Variants in MALRD1 observed in about 807,000 individuals in gnomAD.
MALRD1 encodes the protein MAM and LDL-receptor class A domain-containing protein 1.
In MALRD1, 247 loss-of-function variants were observed where a neutral mutation model predicts 242.1. That is an observed-to-expected ratio of 1.02 (90% CI 0.92 to 1.13). The LOEUF is 1.13. Among genes scored for constraint, MALRD1 ranks in the 50% most tolerant of loss-of-function variants. MALRD1 has a pLI of 0.00. For synonymous variants in MALRD1, 995 were observed against 866.6 expected (o/e 1.15, Z -2.60); for missense variants, 2,989 against 2,533.1 (o/e 1.18, Z -3.86).
chr10:19,187,234 C>T (rs74118835), intron 14 of MALRD1, among the ~76,000 whole-genome samples: 1,595 of 151,820 alleles, frequency 0.011, 25 homozygotes, highest in African/African-American at 0.035. Flanking sequence ...TAGCTGGGGA[C>T]AGACTGACCC....
At chr10:19,328,105 G>A (rs1843212534) in intron 23 of MALRD1, among the ~76,000 whole-genome samples, 1 of 151,968 alleles carries the variant, frequency 6.6e-6, no homozygotes, top group African/African-American at 2.4e-5. Flanking sequence ...AATATTTTTG[G>A]GGGGCACAGT....
chr10:19,098,538 T>A (rs562736863), intron 4 of MALRD1, among the ~76,000 whole-genome samples: 1 of 152,316 alleles, frequency 6.6e-6, no homozygotes, highest in Admixed American at 6.5e-5. Context: ...TATGATAACA[T>A]ATGATGAGGA....
intron 2 of MALRD1, among the ~76,000 whole-genome samples, chr10:19,085,184 G>A (rs1012665592): frequency 2.0e-5 from 3 of 151,924 alleles, no homozygotes; most frequent in African/African-American, 7.2e-5. Flanking sequence ...GTAAAGGGGA[G>A]TGTTAAATGA....
At chr10:19,069,268 A>G (rs781444903) in intron 2 of MALRD1, among the ~76,000 whole-genome samples, 35 of 152,020 alleles carry the variant, frequency 2.3e-4, no homozygotes, top group Non-Finnish European at 3.8e-4. Flanking sequence ...TGTTATTCTG[A>G]TCAATTGTTA....
At chr10:19,244,489 G>C (rs1321442658) in intron 18 of MALRD1, among the ~76,000 whole-genome samples, 1 of 152,028 alleles carries the variant, frequency 6.6e-6, no homozygotes, top group Non-Finnish European at 1.5e-5. Flanking sequence ...AGGATGGCTT[G>C]AGTCCGAGAG....
chr10:19,728,353 A>G (rs904708231), intron 38 of MALRD1: 2 of 152,216 alleles, frequency 1.3e-5, no homozygotes, highest in Non-Finnish European at 2.9e-5. Context: ...CTTTCAGAAG[A>G]CAAGTAGCTT....
chr10:19,368,928 A>C (rs1375648268), intron 26 of MALRD1, among the ~76,000 whole-genome samples: 1 of 145,588 alleles, frequency 6.9e-6, no homozygotes, highest in East Asian at 2.0e-4. Context: ...TGTGTATGTA[A>C]TTTAAATATA....
chr10:19,325,943 G>T, intron 22 of MALRD1, among the ~76,000 whole-genome samples: 1 of 151,948 alleles, frequency 6.6e-6, no homozygotes, highest in East Asian at 1.9e-4. Context: ...TTTTATTCTA[G>T]GATTTTCCTG....
At chr10:19,245,131 C>T (rs1838981666) in intron 18 of MALRD1, among the ~76,000 whole-genome samples, 3 of 152,104 alleles carry the variant, frequency 2.0e-5, no homozygotes, top group South Asian at 4.1e-4. Context: ...AATTTTGTTT[C>T]AATGTTGAAA....
chr10:19,072,772 C>A (rs1224437785), intron 2 of MALRD1, among the ~76,000 whole-genome samples: 1 of 152,022 alleles, frequency 6.6e-6, no homozygotes, highest in Non-Finnish European at 1.5e-5. Flanking sequence ...TGTATCTGAA[C>A]TTTCAATTAA....
rs142510338 is a variant in MALRD1 at position 19,688,144 on chromosome 10, A to G, written c.6138-4138A>G. On this transcript the variant is annotated intron_variant, in intron 36 of 39. Coordinates refer to ENST00000454679, the MANE Select transcript of MALRD1 (RefSeq NM_001142308.3). Reference sequence around the variant, plus strand: ...GCCACCACACCCAGCTAATTTTTGTATTTTTAGTAGAGAAGGGGTTTTGCC... The same window carrying G: ...GCCACCACACCCAGCTAATTTTTGTGTTTTTAGTAGAGAAGGGGTTTTGCC... 5.9e-3 allele frequency among the ~76,000 whole-genome samples: 899 copies of G among 152,024 alleles called. 9 individuals are homozygous for G. Among genetic ancestry groups the G allele is most frequent in the African/African-American group, 0.021 (864 of 41,454 alleles).
At chr10:19,205,876 G>T (rs1211347508) in intron 17 of MALRD1, among the ~76,000 whole-genome samples, 3 of 151,006 alleles carry the variant, frequency 2.0e-5, no homozygotes, top group African/African-American at 7.3e-5. Context: ...GCACTTAGTG[G>T]TACAGTGCGG....
chr10:19,555,158 T>C (rs969791710), intron 32 of MALRD1, among the ~76,000 whole-genome samples: 9 of 152,138 alleles, frequency 5.9e-5, no homozygotes, highest in Non-Finnish European at 1.3e-4. Flanking sequence ...GTTGAGCTCA[T>C]GTGGCCAGGC....
At chr10:19,495,089 G>A (rs1040232622) in intron 30 of MALRD1, among the ~76,000 whole-genome samples, 22 of 151,384 alleles carry the variant, frequency 1.5e-4, no homozygotes, top group African/African-American at 2.9e-4. Flanking sequence ...CAATTCTCCC[G>A]CCTCAGCCTC....
intron 33 of MALRD1, among the ~76,000 whole-genome samples, chr10:19,592,010 A>G (rs1233566574): frequency 6.6e-6 from 1 of 152,258 alleles, no homozygotes; most frequent in Non-Finnish European, 1.5e-5. Context: ...CTCTTGGCTA[A>G]GAGACTACCT....
At chr10:19,200,360 A>G (rs1251116015) in intron 14 of MALRD1, among the ~76,000 whole-genome samples, 4 of 152,150 alleles carry the variant, frequency 2.6e-5, no homozygotes, top group Non-Finnish European at 5.9e-5. Flanking sequence ...CTCACTCAAC[A>G]TGTGCATCTT....
intron 18 of MALRD1, among the ~76,000 whole-genome samples, chr10:19,233,906 G>T (rs1355995232): frequency 6.6e-6 from 1 of 151,526 alleles, no homozygotes; most frequent in Non-Finnish European, 1.5e-5. Flanking sequence ...ATATTCAATT[G>T]TTTTGAGATG....
rs1835737399 is a variant in MALRD1, at chr10:19,088,106, A to T, written c.518A>T (p.His173Leu). 8.1e-7 allele frequency: 1 copy of T among 1,233,448 alleles called. No homozygotes were observed. The highest frequency in any genetic ancestry group is 4.2e-5 in the Admixed American group (1 of 23,686). The allele number at this position is 1,233,448 out of a possible 1,614,324, so 76.4% of individuals were successfully genotyped here. ...ACTGCATGTGGAGGTCCTATTCAGCATTTATGGCAAAACACAGCTGCACTC... is the reference window on the plus strand; with the variant it reads ...ACTGCATGTGGAGGTCCTATTCAGCTTTTATGGCAAAACACAGCTGCACTC... The part of the protein sequence containing the change: ...LQTACGGPIQ[H>L]LWQNTAALPN... The change falls in exon 4 of 40, where the codon CAT (histidine) becomes CTT (leucine). Residue 173 changes from histidine (H) to leucine (L), a missense_variant. Transcript: ENST00000454679.
intron 28 of MALRD1, among the ~76,000 whole-genome samples, chr10:19,437,146 A>G (rs538918237): frequency 1.3e-5 from 2 of 152,302 alleles, no homozygotes; most frequent in Admixed American, 1.3e-4. Flanking sequence ...CTCCAAAAGG[A>G]CAAGGCCACA....
Sources: gnomAD v4.1 joint callset for allele counts (sites outside exome capture counted in the v4.1 genomes callset) on GRCh38, gnomAD v4.1.1 for gene constraint, MANE v1.5 for transcripts, NCBI Gene and HGNC (gene_info 2026-07-23, HGNC 2026-07-21) for gene names.